Variants in LUZP2 observed in about 807,000 individuals in gnomAD.
LUZP2 encodes the protein leucine zipper protein 2.
Under a neutral mutation model 51.6 loss-of-function variants are expected in LUZP2, and 52 were observed. The ratio of observed to expected loss-of-function variants is 1.01; its 90% CI spans 0.81 to 1.27. LUZP2 has a LOEUF of 1.27. Among genes scored for constraint, LUZP2 ranks in the 50% most tolerant of loss-of-function variants. The pLI, the probability that LUZP2 is intolerant of heterozygous loss-of-function variation, is 0.00. For missense variants in LUZP2, 436 were observed against 395.4 expected (o/e 1.10, Z -0.87); for synonymous variants, 154 against 137.3 (o/e 1.12, Z -0.85).
chr11:24,843,612 A>T (rs1375125720), intron 5 of LUZP2, among the ~76,000 whole-genome samples: 1 of 152,178 alleles, frequency 6.6e-6, no homozygotes, highest in African/African-American at 2.4e-5. Flanking sequence ...GATGAAGAAT[A>T]ATATTTGCTA....
At chr11:24,761,528 CA>C (rs1254089026) in intron 4 of LUZP2, among the ~76,000 whole-genome samples, 1 of 152,136 alleles carries the variant, frequency 6.6e-6, no homozygotes, top group Non-Finnish European at 1.5e-5. Context: ...AAAAATCATT[CA>C]AAGGATGATT....
rs147384424 is a variant in LUZP2 at position 24,632,074 on chromosome 11, A to C, written c.63-97095A>C. Among the ~76,000 whole-genome samples, 50 of 152,026 alleles carry C rather than the reference A, an allele frequency of 3.3e-4. No individual in the cohort carries two copies. In the East Asian group the frequency reaches 8.9e-3, roughly 27 times the overall value. On this transcript the variant is annotated intron_variant, in intron 1 of 11. Transcript: ENST00000336930. ...GGCATTTATAGGTATTTAGGATTTT[A>C]TATTAGTTTTCAGAATAACTGTGTA... is the stretch of plus-strand genomic sequence containing the variant.
intron 5 of LUZP2, among the ~76,000 whole-genome samples, chr11:24,792,292 T>A (rs1032023647): frequency 3.9e-4 from 60 of 152,028 alleles, no homozygotes; most frequent in Admixed American, 3.4e-3. Flanking sequence ...CTGGGCATGG[T>A]GGTGCACACC....
intron 10 of LUZP2, among the ~76,000 whole-genome samples, chr11:25,069,661 G>T (rs183214478): frequency 1.9e-4 from 29 of 151,542 alleles, no homozygotes; most frequent in Middle Eastern, 3.4e-3. Context: ...AAAGTGACAG[G>T]GTATACATGT....
intron 9 of LUZP2, among the ~76,000 whole-genome samples, chr11:25,046,915 G>C (rs1257704577): frequency 6.6e-6 from 1 of 152,072 alleles, no homozygotes; most frequent in African/African-American, 2.4e-5. Context: ...AATTTATGTG[G>C]ATATTAACAA....
intron 5 of LUZP2, among the ~76,000 whole-genome samples, chr11:24,806,660 T>C (rs1849864078): frequency 6.6e-6 from 1 of 152,178 alleles, no homozygotes; most frequent in East Asian, 1.9e-4. Flanking sequence ...TGGACTCAAA[T>C]AGGTAGTTCC....
intron 9 of LUZP2, among the ~76,000 whole-genome samples, chr11:24,988,198 C>T (rs1182807660): frequency 6.6e-6 from 1 of 151,984 alleles, no homozygotes; most frequent in South Asian, 2.1e-4. Flanking sequence ...CTCCAACATC[C>T]CATGAACTAT....
chr11:24,987,026 C>A lies in LUZP2; in HGVS notation c.765+3733C>A, dbSNP rs866359254. Reference sequence around the variant, plus strand: ...ATTACTTAACTTTTCTAAGACTCATCTTTCGTGTCTATTAAACGGAGATAA... The same window carrying A: ...ATTACTTAACTTTTCTAAGACTCATATTTCGTGTCTATTAAACGGAGATAA... On this transcript the variant is annotated intron_variant, in intron 9 of 11. Coordinates refer to ENST00000336930, the MANE Select transcript of LUZP2 (RefSeq NM_001009909.4). Among the ~76,000 whole-genome samples the A allele has an allele frequency of 2.6e-5, 4 of 151,762 alleles. No individual in the cohort carries two copies. In the South Asian group the frequency reaches 8.3e-4, roughly 31 times the overall value.
At chr11:25,065,048 C>T (rs1405227701) in intron 10 of LUZP2, among the ~76,000 whole-genome samples, 1 of 151,992 alleles carries the variant, frequency 6.6e-6, no homozygotes, top group African/African-American at 2.4e-5. Flanking sequence ...AAAAGAGAAA[C>T]ATGTTCTGAC....
chr11:25,024,305 G>A (rs908381266), intron 9 of LUZP2, among the ~76,000 whole-genome samples: 2 of 152,070 alleles, frequency 1.3e-5, no homozygotes, highest in Admixed American at 6.6e-5. Context: ...AGGGCAATCA[G>A]GCAAGAGAAA....
intron 5 of LUZP2, among the ~76,000 whole-genome samples, chr11:24,766,119 T>C (rs1275128670): frequency 6.6e-6 from 1 of 152,134 alleles, no homozygotes; most frequent in Non-Finnish European, 1.5e-5. Context: ...TATCTTCTCA[T>C]GGGCACCACT....
chr11:24,568,354 A>AG (rs1852313644), intron 1 of LUZP2, among the ~76,000 whole-genome samples: 1 of 74,444 alleles, frequency 1.3e-5, no homozygotes, highest in South Asian at 4.8e-4. Context: ...AATCTGTCTC[A>AG]GAAAAAAAAA....
chr11:24,808,614 C>T (rs1590567021), intron 5 of LUZP2, among the ~76,000 whole-genome samples: 1 of 151,972 alleles, frequency 6.6e-6, no homozygotes, highest in East Asian at 1.9e-4. Context: ...TTTTATACTG[C>T]ACATTGCAAG....
chr11:24,878,085 G>A (rs566132824), intron 5 of LUZP2, among the ~76,000 whole-genome samples: 89 of 131,460 alleles, frequency 6.8e-4, no homozygotes, highest in Non-Finnish European at 9.4e-4. Context: ...TAGTTACGGT[G>A]TTGTAATATT....
intron 10 of LUZP2, among the ~76,000 whole-genome samples, chr11:25,053,542 C>CCT (rs1565287322): frequency 2.8e-5 from 4 of 145,126 alleles, no homozygotes; most frequent in Admixed American, 6.8e-5. Flanking sequence ...TCCCACATGC[C>CCT]TTTTTTTTTT....
intron 1 of LUZP2, 64 bp downstream of exon 1, chr11:24,497,369 GTGGGTC>G: frequency 1.5e-6 from 2 of 1,303,754 alleles, no homozygotes; most frequent in Non-Finnish European, 2.0e-6. Context: ...TGGTCCTACT[GTGGGTC>G]ACCAGTGGGG....
intron 5 of LUZP2, among the ~76,000 whole-genome samples, chr11:24,868,090 C>G (rs931527827): frequency 6.6e-6 from 1 of 152,160 alleles, no homozygotes; most frequent in African/African-American, 2.4e-5. Context: ...CCTTCCTACA[C>G]CTCTCAGACC....
intron 1 of LUZP2, among the ~76,000 whole-genome samples, chr11:24,511,451 C>T (rs1850309591): frequency 6.6e-6 from 1 of 151,942 alleles, no homozygotes; most frequent in African/African-American, 2.4e-5. Context: ...ATTAGAATCA[C>T]TATTTCAGCT....
intron 5 of LUZP2, among the ~76,000 whole-genome samples, chr11:24,844,987 G>A (rs562419852): frequency 0.11 from 255 of 2,260 alleles, 1 homozygote; most frequent in African/African-American, 0.28. Context: ...GGGGAATGTG[G>A]GGCCACAGCC....
Sources: gnomAD v4.1 joint callset for allele counts (sites outside exome capture counted in the v4.1 genomes callset) on GRCh38, gnomAD v4.1.1 for gene constraint, MANE v1.5 for transcripts, NCBI Gene and HGNC (gene_info 2026-07-23, HGNC 2026-07-21) for gene names.